Variants in UBE2V2 observed in about 807,000 individuals in gnomAD.
UBE2V2 encodes ubiquitin-conjugating enzyme E2 variant 2.
In UBE2V2, 9 loss-of-function variants were observed where a neutral mutation model predicts 17.2. That is an observed-to-expected ratio of 0.52 (90% confidence interval 0.32 to 0.91). The LOEUF is 0.91. Ranked by LOEUF, UBE2V2 falls within the 40% of genes least tolerant of loss-of-function variation. The probability of loss-of-function intolerance (pLI) is 0.04; values close to 1 mark genes in which losing one functional copy is unlikely to be tolerated. For missense variants in UBE2V2, 133 were observed against 182.6 expected (o/e 0.73, Z 1.56); for synonymous variants, 61 against 57.5 (o/e 1.06, Z -0.28).
chr8:48,059,645 T>G (rs1284299969), intron 3 of UBE2V2, among the ~76,000 whole-genome samples: 1 of 151,462 alleles, frequency 6.6e-6, no homozygotes, highest in Non-Finnish European at 1.5e-5. Context: ...ACTCCTGACC[T>G]TGTGATCCGC....
Position 48,061,725 on chromosome 8 carries a change from AGAAAT to A in UBE2V2, c.*898_*902del, listed in dbSNP as rs1802594946. 3 of 152,472 alleles carry A rather than the reference AGAAAT, an allele frequency of 2.0e-5. No homozygotes were observed. In the South Asian group the frequency reaches 6.2e-4, roughly 32 times the overall value. 9.4% of individuals were successfully genotyped at this position (152,472 alleles called of 1,614,324 possible). A position where few individuals can be genotyped will look rare whatever the true frequency, so the allele number is the denominator to read the frequency against. ...TATAATTTGCAGACTATTTCAGAAAAGAAATTATCTAGTTTAATTTCTTCTTTGGA... is the reference window on the plus strand; with the variant it reads ...TATAATTTGCAGACTATTTCAGAAAATATCTAGTTTAATTTCTTCTTTGGA... On this transcript the variant is annotated 3_prime_UTR_variant, in exon 4 of 4. Coordinates refer to ENST00000523111, the MANE Select transcript of UBE2V2 (RefSeq NM_003350.3).
rs771491178 is a variant in UBE2V2, at chr8:48,049,894, T to C, written c.207T>C (p.Cys69=). Residue 69 remains cysteine, a synonymous_variant, in exon 3 of 4, where the codon TGT becomes TGC. Coordinates refer to ENST00000523111, the MANE Select transcript of UBE2V2 (RefSeq NM_003350.3). ...GAATATATAGCCTGAAAGTAGAATG[T>C]GGACCTAAATACCCAGAAGCTCCTC... ...ENRIYSLKVE[C]GPKYPEAPPS... is the part of the protein sequence containing the mutation. The C allele has an allele frequency of 6.3e-7, 1 of 1,593,336 alleles. No homozygotes were observed. The highest frequency in any genetic ancestry group is 2.3e-5 in the East Asian group (1 of 44,166).
chr8:48,036,651 G>A (rs556669689), intron 1 of UBE2V2, among the ~76,000 whole-genome samples: 108 of 150,962 alleles, frequency 7.2e-4, no homozygotes, highest in Middle Eastern at 3.5e-3. Context: ...TGTCCAGGCT[G>A]GTCTTAAACT....
intron 1 of UBE2V2, among the ~76,000 whole-genome samples, chr8:48,026,072 G>T (rs549478804): frequency 4.5e-4 from 68 of 151,984 alleles, no homozygotes; most frequent in African/African-American, 1.6e-3. Context: ...TGACCCTTTA[G>T]AATATTTAGT....
upstream of UBE2V2, among the ~76,000 whole-genome samples, chr8:48,005,992 T>G (rs1369795778): frequency 6.6e-6 from 1 of 152,252 alleles, no homozygotes; most frequent in African/African-American, 2.4e-5. Context: ...TAGTTTCTTT[T>G]GCTGTGCAGA....
At chr8:48,013,342 CTG>C (rs1323603396) in intron 1 of UBE2V2, among the ~76,000 whole-genome samples, 1 of 148,890 alleles carries the variant, frequency 6.7e-6, no homozygotes, top group Non-Finnish European at 1.5e-5. Context: ...AAGTCTCGCT[CTG>C]TGGCCCAGGC....
chr8:48,008,145 C>T (rs45568637), upstream of UBE2V2, among the ~76,000 whole-genome samples: 480 of 152,218 alleles, frequency 3.2e-3, 16 homozygotes, highest in South Asian at 0.08. Flanking sequence ...TGGTTTCGAA[C>T]TCCTGACCTC....
intron 1 of UBE2V2, among the ~76,000 whole-genome samples, chr8:48,010,642 C>T (rs536861074): frequency 6.6e-6 from 1 of 150,430 alleles, no homozygotes; most frequent in South Asian, 2.1e-4. Flanking sequence ...ACCTCGTGAT[C>T]CGGCCTCCCA....
At chr8:48,015,562 A>G (rs529531226) in intron 1 of UBE2V2, among the ~76,000 whole-genome samples, 164 of 152,258 alleles carry the variant, frequency 1.1e-3, no homozygotes, top group African/African-American at 3.6e-3. Flanking sequence ...ACTAATCACC[A>G]TGCTATACAG....
intron 2 of UBE2V2, 80 bp from the exon 3 acceptor site, chr8:48,049,773 C>G (rs1294331597): frequency 8.0e-7 from 1 of 1,250,708 alleles, no homozygotes; most frequent in Non-Finnish European, 1.1e-6. Context: ...ATTGTACTTT[C>G]CCTTTTTTTT....
intron 1 of UBE2V2, among the ~76,000 whole-genome samples, chr8:48,033,553 A>G (rs1035950511): frequency 6.6e-6 from 1 of 152,198 alleles, no homozygotes; most frequent in African/African-American, 2.4e-5. Flanking sequence ...GTTATGAGAT[A>G]TATAGGAAAA....
intron 1 of UBE2V2, among the ~76,000 whole-genome samples, chr8:48,012,494 G>T (rs144328822): frequency 2.6e-5 from 4 of 152,060 alleles, no homozygotes; most frequent in Admixed American, 2.6e-4. Flanking sequence ...CGAGGTGGGC[G>T]GATTACCTGA....
intron 1 of UBE2V2, among the ~76,000 whole-genome samples, chr8:48,031,651 T>C (rs2091383801): frequency 6.6e-6 from 1 of 152,170 alleles, no homozygotes; most frequent in South Asian, 2.1e-4. Flanking sequence ...GAAGTTTGAC[T>C]TGAATTTGTT....
rs1352101900 is a variant in UBE2V2 at position 48,053,342 on chromosome 8, AT to A, written c.291+3365del. Among the ~76,000 whole-genome samples the A allele has an allele frequency of 2.6e-5, 4 of 152,146 alleles. No individual in the cohort carries two copies. The East Asian group carries it at 7.7e-4, about 29-fold the overall frequency. On this transcript the variant is annotated intron_variant, in intron 3 of 3. Coordinates refer to ENST00000523111, the MANE Select transcript of UBE2V2 (RefSeq NM_003350.3). Reference sequence around the variant, plus strand: ...TCTAACATAATAGAAGTTTTAGAGAATGATAGAACCAGCATCTATGTGTCCT... The same window carrying A: ...TCTAACATAATAGAAGTTTTAGAGAAGATAGAACCAGCATCTATGTGTCCT...
the UBE2V2 span, among the ~76,000 whole-genome samples, chr8:48,002,921 G>A: frequency 6.6e-6 from 1 of 150,720 alleles, no homozygotes; most frequent in Non-Finnish European, 1.5e-5. Context: ...AAAAAAGAAA[G>A]AGAGAATTGG....
intron 1 of UBE2V2, among the ~76,000 whole-genome samples, chr8:48,019,826 T>A (rs1391258771): frequency 2.0e-5 from 3 of 150,990 alleles, no homozygotes; most frequent in Non-Finnish European, 4.4e-5. Context: ...AAAAAAAAAA[T>A]TAGCCAGGCA....
intron 3 of UBE2V2, chr8:48,050,290 A>T (rs1223538295): frequency 6.4e-6 from 1 of 156,718 alleles, no homozygotes; most frequent in Non-Finnish European, 1.4e-5. Context: ...GCTGGAGTAC[A>T]ATTGTGCGAT....
chr8:48,008,519 GC>G, intron 1 of UBE2V2, 49 bp downstream of exon 1: 1 of 1,543,990 alleles, frequency 6.5e-7, no homozygotes, highest in Non-Finnish European at 8.7e-7. Context: ...ACCCGGCTCT[GC>G]CCCTCCGTCT....
upstream of UBE2V2, among the ~76,000 whole-genome samples, chr8:48,006,747 T>A (rs986479487): frequency 6.6e-6 from 1 of 152,174 alleles, no homozygotes; most frequent in African/African-American, 2.4e-5. Context: ...CAGCCCTTCA[T>A]GCTAAAAACT....
Sources: gnomAD v4.1 joint callset for allele counts (sites outside exome capture counted in the v4.1 genomes callset) on GRCh38, gnomAD v4.1.1 for gene constraint, MANE v1.5 for transcripts, NCBI Gene and HGNC (gene_info 2026-07-23, HGNC 2026-07-21) for gene names.